Variants in AGXT2 observed in about 807,000 individuals in gnomAD.
The protein encoded by AGXT2 is alanine--glyoxylate aminotransferase 2, mitochondrial.
In AGXT2, 61 loss-of-function variants were observed where a neutral mutation model predicts 62.5. The observed-to-expected ratio is 0.98, with a 90% CI of 0.79 to 1.21. The LOEUF is 1.21. Ranked by LOEUF, AGXT2 falls within the 50% of genes most tolerant of loss-of-function variation. The pLI is 0.00. For missense variants in AGXT2, 666 were observed against 641.5 expected, an observed-to-expected ratio of 1.04 and a Z score of -0.41; for synonymous variants, 243 against 218.7, an observed-to-expected ratio of 1.11 and a Z score of -0.98.
At chr5:35,041,440 C>G (rs1263998649) in intron 1 of AGXT2, among the ~76,000 whole-genome samples, 1 of 152,086 alleles carries the variant, frequency 6.6e-6, no homozygotes, top group Non-Finnish European at 1.5e-5. Flanking sequence ...GGGAACAAAA[C>G]TCCTCTGACT....
intron 13 of AGXT2, among the ~76,000 whole-genome samples, chr5:35,000,105 C>G (rs768716408): frequency 1.3e-5 from 2 of 152,254 alleles, no homozygotes; most frequent in Non-Finnish European, 2.9e-5. Flanking sequence ...TGCCCTTCCC[C>G]CATTCACATC....
At chr5:35,004,669 G>A (rs1366943650) in intron 12 of AGXT2, among the ~76,000 whole-genome samples, 1 of 152,234 alleles carries the variant, frequency 6.6e-6, no homozygotes, top group Non-Finnish European at 1.5e-5. Flanking sequence ...AATCAAATTA[G>A]AATATTGGAA....
At chr5:35,037,144 T>A in intron 3 of AGXT2, 79 bp from the exon 4 acceptor site, 1 of 1,599,774 alleles carries the variant, frequency 6.3e-7, no homozygotes. Flanking sequence ...TGGACCCAAA[T>A]ATACTGTTTT....
At chr5:35,002,054 G>C (rs1766245467) in intron 13 of AGXT2, among the ~76,000 whole-genome samples, 1 of 152,118 alleles carries the variant, frequency 6.6e-6, no homozygotes, top group African/African-American at 2.4e-5. Context: ...AATGACACCT[G>C]TTGCTTAGCA....
chr5:35,044,467 C>T (rs936060421), intron 1 of AGXT2, among the ~76,000 whole-genome samples: 15 of 152,204 alleles, frequency 9.9e-5, no homozygotes, highest in African/African-American at 3.6e-4. Context: ...CTGTCCCATG[C>T]GTGCTCTGGG....
chr5:35,013,782 CAAAA>C (rs10588573), intron 10 of AGXT2, among the ~76,000 whole-genome samples: 7 of 89,068 alleles, frequency 7.9e-5, no homozygotes, highest in African/African-American at 1.4e-4. Context: ...GACTCTGTCT[CAAAA>C]AAAAAAAAAA....
Position 35,015,845 on chromosome 5 carries a change from A to G in AGXT2, c.964-1726T>C, listed in dbSNP as rs564556991. On this transcript the variant is annotated intron_variant, in intron 9 of 13. Coordinates refer to ENST00000231420, the MANE Select transcript of AGXT2 (RefSeq NM_031900.4). Reference sequence around the variant, plus strand: ...AGCCTGGGCAACAGAGTGAGACTCCATCTCAAAAAAAAAAAAAAAAAAAAA... The same window carrying G: ...AGCCTGGGCAACAGAGTGAGACTCCGTCTCAAAAAAAAAAAAAAAAAAAAA... Among the ~76,000 whole-genome samples, 480 of 87,536 alleles carry G rather than the reference A, an allele frequency of 5.5e-3. 3 individuals are homozygous for G. Among genetic ancestry groups the G allele is most frequent in the Non-Finnish European group, 8.0e-3 (374 of 46,968 alleles). The allele number at this position is 87,536 out of a possible 152,430, so 57.4% of individuals were successfully genotyped here. A position where few individuals can be genotyped will look rare whatever the true frequency, so the allele number is the denominator to read the frequency against.
rs34248297 is a variant in AGXT2 at position 35,027,066 on chromosome 5, C to T, written c.770-556G>A. The T allele has an allele frequency of 4.2e-6, 4 of 957,886 alleles. No homozygotes were observed. In the East Asian group the frequency reaches 4.6e-4, roughly 111 times the overall value. The allele number at this position is 957,886 out of a possible 1,614,324, so 59.3% of individuals were successfully genotyped here. ...CTTCCATCCATCGCAGCCCTTGGCA[C>T]TTGGTCCTGTGCTTGTTTTTAACAG... On this transcript the variant is annotated intron_variant, in intron 7 of 13. Transcript: ENST00000231420.
rs1767797832 is a variant in AGXT2, at chr5:35,036,997, G to A, written c.431C>T (p.Pro144Leu). Residue 144 changes from proline to leucine, a missense_variant, in exon 4 of 14, where the codon CCT becomes CTT. Coordinates refer to ENST00000231420, the MANE Select transcript of AGXT2 (RefSeq NM_031900.4). ...CTTCTCTGCATATTCATGCATTGGA[G>A]GGTGGAAGAAGACGGTGCTTGTATG... ...LWHTSTVFFHPPMHEYAEKLA... is the reference protein window; with the variant it reads ...LWHTSTVFFHLPMHEYAEKLA... The A allele has an allele frequency of 6.2e-7, 1 of 1,614,188 alleles. No individual in the cohort carries two copies. Among genetic ancestry groups the A allele is most frequent in the East Asian group, 2.2e-5 (1 of 44,874 alleles).
chr5:35,032,414 A>G (rs1476150581), intron 7 of AGXT2, among the ~76,000 whole-genome samples: 1 of 152,226 alleles, frequency 6.6e-6, no homozygotes, highest in Non-Finnish European at 1.5e-5. Flanking sequence ...AATTGACACC[A>G]GAGCTATTGC....
chr5:35,047,932 G>A lies in AGXT2; in HGVS notation c.-40C>T, dbSNP rs1768321427. On this transcript the variant is annotated 5_prime_UTR_variant, in exon 1 of 14. Coordinates refer to ENST00000231420, the MANE Select transcript of AGXT2 (RefSeq NM_031900.4). ...AAGCCAACCCCCATGGAAGCAGATT[G>A]GAGGCCGGGCTCTAACTGCTCACTA... 2 of 1,613,056 alleles carry A rather than the reference G, an allele frequency of 1.2e-6. No individual in the cohort carries two copies. Among genetic ancestry groups the A allele is most frequent in the East Asian group, 2.2e-5 (1 of 44,812 alleles).
At chr5:35,003,620 T>C (rs1165578381) in intron 13 of AGXT2, 143 bp downstream of exon 13, 2 of 793,962 alleles carry the variant, frequency 2.5e-6, no homozygotes, top group Non-Finnish European at 2.2e-6. Context: ...AGATGACATG[T>C]GGCTGGGTAC....
chr5:35,013,176 A>G (rs967666876), intron 10 of AGXT2, 131 bp from the exon 11 acceptor site: 7 of 819,126 alleles, frequency 8.5e-6, no homozygotes, highest in African/African-American at 1.7e-5. Flanking sequence ...CATTCAACTG[A>G]TAGTAGATGT....
chr5:35,016,568 C>G (rs997243233), intron 9 of AGXT2, among the ~76,000 whole-genome samples: 4 of 152,142 alleles, frequency 2.6e-5, no homozygotes, highest in African/African-American at 9.7e-5. Flanking sequence ...AACCCCCTCC[C>G]TCTTCCCCTT....
Position 35,010,219 on chromosome 5 carries a change from G to A in AGXT2, c.1189-70C>T. On this transcript the variant is annotated intron_variant, in intron 11 of 13. Coordinates refer to ENST00000231420, the MANE Select transcript of AGXT2 (RefSeq NM_031900.4). ...AAGATTGACTGAGAATCGTGGAGAA[G>A]TCATTTGACATGGCCCTCTTGTAAC... The A allele has an allele frequency of 6.3e-6, 10 of 1,594,342 alleles. No homozygotes were observed. In the South Asian group the frequency reaches 6.6e-5, roughly 11 times the overall value.
intron 5 of AGXT2, among the ~76,000 whole-genome samples, chr5:35,034,156 G>A (rs1767681741): frequency 6.6e-6 from 1 of 151,992 alleles, no homozygotes; most frequent in African/African-American, 2.4e-5. Flanking sequence ...CAAAAGAATG[G>A]TTGTATTAGG....
rs141090391 is a variant in AGXT2, at chr5:35,006,266, T to C, written c.1339-2405A>G. Reference sequence around the variant, plus strand: ...ATATTTTTAGACAGTTTTGAGGGTATTTCTTTGGGACACACTTCTAGAAAT... The same window carrying C: ...ATATTTTTAGACAGTTTTGAGGGTACTTCTTTGGGACACACTTCTAGAAAT... On this transcript the variant is annotated intron_variant, in intron 12 of 13. Transcript: ENST00000231420. 9.2e-4 allele frequency among the ~76,000 whole-genome samples: 140 copies of C among 152,344 alleles called. 1 individual carries two copies. The highest frequency in any genetic ancestry group is 1.2e-3 in the Non-Finnish European group (79 of 68,030).
intron 9 of AGXT2, among the ~76,000 whole-genome samples, chr5:35,019,261 C>G (rs1373238594): frequency 6.9e-6 from 1 of 145,872 alleles, no homozygotes; most frequent in East Asian, 2.0e-4. Flanking sequence ...CCCAAATCAA[C>G]AGAATATACA....
At chr5:35,010,299 A>T (rs1037832096) in intron 11 of AGXT2, 150 bp from the exon 12 acceptor site, 7 of 1,065,378 alleles carry the variant, frequency 6.6e-6, no homozygotes, top group African/African-American at 1.6e-5. Flanking sequence ...CTACAAAAAG[A>T]TCTGTTGTAA....
Sources: allele counts gnomAD v4.1 joint callset (sites outside exome capture counted in the v4.1 genomes callset), GRCh38; gene constraint gnomAD v4.1.1; transcripts MANE v1.5; gene names NCBI Gene and HGNC (gene_info 2026-07-23, HGNC 2026-07-21).